CEP250: variants seen among roughly 807,000 people sequenced by gnomAD.
The protein encoded by CEP250 is centrosome-associated protein CEP250.
In CEP250, 242 loss-of-function variants were observed where a neutral mutation model predicts 315.7. That is an observed-to-expected ratio of 0.77 (90% CI 0.69 to 0.85). The LOEUF is 0.85. Ranked by LOEUF, CEP250 falls within the 40% of genes least tolerant of loss-of-function variation. CEP250 has a pLI of 0.00. For synonymous variants in CEP250, 1,088 were observed against 1,175.0 expected, an observed-to-expected ratio of 0.93 and a Z score of 1.51; for missense variants, 2,515 against 2,886.4, an observed-to-expected ratio of 0.87 and a Z score of 2.95.
In CEP250 at chr20:35,504,529, C is replaced by T. The variant is rs2147174157; in HGVS notation, c.6160C>T (p.Gln2054Ter). 1.9e-6 allele frequency: 3 copies of T among 1,613,956 alleles called. No homozygotes were observed. Among genetic ancestry groups the T allele is most frequent in the Non-Finnish European group, 2.5e-6 (3 of 1,179,920 alleles). The change falls in exon 30 of 35, where the codon CAG (glutamine) becomes TAG (stop). Residue 2054 changes from glutamine to a stop codon, truncating the protein, a stop_gained. Transcript: ENST00000397527. LOFTEE classifies it high-confidence loss of function. ...LAQRDEELRH[Q>*]QEREQLLEKS... ...CCAGAGGGATGAAGAGCTGAGACAT[C>T]AGCAGGAACGGGAGCAGCTGCTGGA... is the stretch of plus-strand genomic sequence containing the variant.
chr20:35,462,327 T>C lies in CEP250; in HGVS notation c.-41T>C. 1 of 1,520,952 alleles carries C rather than the reference T, an allele frequency of 6.6e-7. No homozygotes were observed. Among genetic ancestry groups the C allele is most frequent in the Non-Finnish European group, 8.9e-7 (1 of 1,123,108 alleles). The allele number at this position is 1,520,952 out of a possible 1,614,324, so 94.2% of individuals were successfully genotyped here. A position where few individuals can be genotyped will look rare whatever the true frequency, so the allele number is the denominator to read the frequency against. On this transcript the variant is annotated 5_prime_UTR_variant, in exon 4 of 35. Transcript: ENST00000397527. ...GACCCTGCTGGGCGTGAACACCCTC[T>C]GGCTACCTAGGGACCTGTGGGCCTA...
chr20:35,480,157 A>G lies in CEP250; in HGVS notation c.2586+12A>G, dbSNP rs764076037. On this transcript the variant is annotated intron_variant, in intron 20 of 34. Coordinates refer to ENST00000397527, the MANE Select transcript of CEP250 (RefSeq NM_007186.6). ...TCCGGGAGAAATGGGTAAGTGGTCAATGTGGCCGGGTATGGCCTCCCTTCC... is the reference window on the plus strand; with the variant it reads ...TCCGGGAGAAATGGGTAAGTGGTCAGTGTGGCCGGGTATGGCCTCCCTTCC... 1.0e-4 allele frequency: 167 copies of G among 1,606,774 alleles called. 1 individual carries two copies. In the South Asian group the frequency reaches 1.0e-3, roughly 10 times the overall value.
Position 35,504,198 on chromosome 20 carries a change from A to G in CEP250, c.5829A>G (p.Glu1943=). The change falls in exon 30 of 35, where the codon GAA becomes GAG. Residue 1943 remains glutamate (E), a synonymous_variant. Transcript: ENST00000397527. ...AVLKERDQEL[E]ALRAESQSSR... Reference sequence around the variant, plus strand: ...TCAAGGAACGGGACCAGGAGCTGGAAGCTCTGCGGGCAGAAAGTCAGTCCT... The same window carrying G: ...TCAAGGAACGGGACCAGGAGCTGGAGGCTCTGCGGGCAGAAAGTCAGTCCT... 6.2e-7 allele frequency: 1 copy of G among 1,612,928 alleles called. No homozygotes were observed. The highest frequency in any genetic ancestry group is 8.5e-7 in the Non-Finnish European group (1 of 1,179,574).
chr20:35,468,867 G>T (rs1242067150), intron 9 of CEP250, among the ~76,000 whole-genome samples: 3 of 152,004 alleles, frequency 2.0e-5, no homozygotes, highest in Non-Finnish European at 4.4e-5. Flanking sequence ...TGTAGAGACG[G>T]GGTCTCACTA....
At chr20:35,490,951 G>GGTAGCTACCCTCTCTTCTGGAAGCCCC (rs2063671582) in intron 21 of CEP250, 147 bp downstream of exon 21, 1 of 956,800 alleles carries the variant, frequency 1.0e-6, no homozygotes, top group Non-Finnish European at 1.5e-6. Context: ...GAGCAGGGTG[G>GGTAGCTACCCTCTCTTCTGGAAGCCCC]TCCGCACCAT....
chr20:35,471,030 T>C (rs909230905), intron 10 of CEP250, among the ~76,000 whole-genome samples: 1 of 152,226 alleles, frequency 6.6e-6, no homozygotes, highest in African/African-American at 2.4e-5. Flanking sequence ...AGGTAGCTCC[T>C]GAACCCCTAT....
chr20:35,457,313 G>T (rs1183423184), intron 1 of CEP250, among the ~76,000 whole-genome samples: 3 of 152,138 alleles, frequency 2.0e-5, no homozygotes, highest in Non-Finnish European at 4.4e-5. Context: ...ATTAGATAGG[G>T]ACAGAAAAAG....
chr20:35,478,137 G>C (rs1433623319), intron 17 of CEP250, 36 bp downstream of exon 17: 6 of 1,325,500 alleles, frequency 4.5e-6, no homozygotes, highest in Non-Finnish European at 6.5e-6. Context: ...ATGTCTAGGT[G>C]TAATATATGC....
chr20:35,491,071 C>T, intron 21 of CEP250, 141 bp from the exon 22 acceptor site: 3 of 1,047,010 alleles, frequency 2.9e-6, no homozygotes, highest in Non-Finnish European at 2.8e-6. Context: ...GTTCTGAACC[C>T]ATGGGCTCAG....
In CEP250 at chr20:35,472,883, G is replaced by A. The variant is rs769645856; in HGVS notation, c.1209+52G>A. ...GTCACAGGGGTTTGTGTCTAAACTG[G>A]TTTGTGCCTCAGGTACCTCCCTAGC... On this transcript the variant is annotated intron_variant, in intron 12 of 34. Coordinates refer to ENST00000397527, the MANE Select transcript of CEP250 (RefSeq NM_007186.6). The A allele has an allele frequency of 6.9e-6, 11 of 1,594,500 alleles. No individual in the cohort carries two copies. In the Admixed American group the frequency reaches 1.5e-4, roughly 22 times the overall value.
In CEP250 at chr20:35,496,838, G is replaced by A. The variant is rs1185702060; in HGVS notation, c.3306+123G>A. The stretch of plus-strand genomic sequence containing the variant: ...ATCTATTTTTCCTGATTACAGGATA[G>A]GCTGGTGCCTCAACACCCCTACAGG... On this transcript the variant is annotated intron_variant, in intron 25 of 34. Transcript: ENST00000397527. 3.7e-6 allele frequency: 4 copies of A among 1,087,234 alleles called. No individual in the cohort carries two copies. The East Asian group carries it at 7.9e-5, about 21-fold the overall frequency. 67.3% of individuals were successfully genotyped at this position (1,087,234 alleles called of 1,614,324 possible).
chr20:35,503,014 A>G lies in CEP250; in HGVS notation c.4645A>G (p.Lys1549Glu), dbSNP rs1413668086. The G allele has an allele frequency of 1.9e-6, 3 of 1,614,208 alleles. No homozygotes were observed. The highest frequency in any genetic ancestry group is 2.5e-6 in the Non-Finnish European group (3 of 1,180,030). The change falls in exon 30 of 35, where the codon AAA (lysine) becomes GAA (glutamate). Residue 1549 changes from lysine (K) to glutamate (E), a missense_variant. Physicochemically the swap from Lys to Glu is moderately conservative, Grantham distance 56 (BLOSUM62 1). Transcript: ENST00000397527. The surrounding 1 kb of genome is among the most constrained non-coding windows in gnomAD (Gnocchi z 4.2). ...ESQRGQVQDLKKQLVTLECLA... is the reference protein window; with the variant it reads ...ESQRGQVQDLEKQLVTLECLA... Reference sequence around the variant, plus strand: ...CCAGAGAGGACAGGTTCAGGACCTGAAAAAGCAGTTGGTTACTCTGGAATG... The same window carrying G: ...CCAGAGAGGACAGGTTCAGGACCTGGAAAAGCAGTTGGTTACTCTGGAATG...
chr20:35,506,285 G>A (rs1336565549), intron 30 of CEP250, among the ~76,000 whole-genome samples: 1 of 152,206 alleles, frequency 6.6e-6, no homozygotes, highest in Non-Finnish European at 1.5e-5. Context: ...TGAAGCCAGA[G>A]ACACTTTGGA....
intron 20 of CEP250, among the ~76,000 whole-genome samples, chr20:35,486,497 C>A (rs1601223357): frequency 6.6e-6 from 1 of 152,038 alleles, no homozygotes. Flanking sequence ...CCTGCCACAG[C>A]CTCCCAAACT....
At chr20:35,459,263 A>T (rs1021364090) in intron 2 of CEP250, among the ~76,000 whole-genome samples, 2 of 151,852 alleles carry the variant, frequency 1.3e-5, no homozygotes, top group African/African-American at 2.4e-5. Context: ...TAGCTTTAAA[A>T]TTTTTTAATT....
intron 4 of CEP250, among the ~76,000 whole-genome samples, chr20:35,463,269 G>T (rs543893288): frequency 6.6e-6 from 1 of 152,298 alleles, no homozygotes; most frequent in African/African-American, 2.4e-5. Context: ...TGAGTGTGGT[G>T]GCGCATGCCT....
intron 33 of CEP250, 77 bp from the exon 34 acceptor site, chr20:35,509,920 GA>G: frequency 7.7e-7 from 1 of 1,302,970 alleles, no homozygotes; most frequent in African/African-American, 1.5e-5. Context: ...AGATTGTGAT[GA>G]GGTTCTGCAA....
At chr20:35,462,135 T>G (rs960452009) in intron 3 of CEP250, 130 bp from the exon 4 acceptor site, 3 of 351,374 alleles carry the variant, frequency 8.5e-6, no homozygotes, top group African/African-American at 2.1e-5. Flanking sequence ...TCAGTTAAAT[T>G]TGGGGAATGA....
At chr20:35,484,815 C>T (rs2063459313) in intron 20 of CEP250, among the ~76,000 whole-genome samples, 1 of 152,210 alleles carries the variant, frequency 6.6e-6, no homozygotes, top group East Asian at 1.9e-4. Context: ...TCTAACTTTG[C>T]AATTGTAGTG....
Sources: gnomAD v4.1 joint callset for allele counts (sites outside exome capture counted in the v4.1 genomes callset) on GRCh38, gnomAD v4.1.1 for gene constraint, Gnocchi (gnomAD v3.1) non-coding constraint, MANE v1.5 for transcripts, NCBI Gene and HGNC (gene_info 2026-07-23, HGNC 2026-07-21) for gene names.